RGS6: variants seen among roughly 807,000 people sequenced by gnomAD.
RGS6 encodes regulator of G protein signaling 6, also known as regulator of G-protein signaling 6.
RGS6 carries 30 observed loss-of-function variants against 78.5 expected under a neutral mutation model. That is an observed-to-expected ratio of 0.38 (90% confidence interval 0.29 to 0.52). The LOEUF is 0.52. Ranked by LOEUF, RGS6 falls within the 20% of genes least tolerant of loss-of-function variation. The pLI is 0.85. For missense variants in RGS6, 495 were observed against 609.7 expected, an observed-to-expected ratio of 0.81 and a Z score of 1.98; for synonymous variants, 206 against 206.0, an observed-to-expected ratio of 1.00 and a Z score of 0.00.
chr14:71,958,307 G>A (rs2092943199), intron 1 of RGS6, among the ~76,000 whole-genome samples: 1 of 152,194 alleles, frequency 6.6e-6, no homozygotes, highest in South Asian at 2.1e-4. Flanking sequence ...TTGAATTTTA[G>A]TTGCTTGGCT....
intron 12 of RGS6, among the ~76,000 whole-genome samples, chr14:72,481,975 A>C (rs2096390096): frequency 6.6e-6 from 1 of 151,546 alleles, no homozygotes; most frequent in Non-Finnish European, 1.5e-5. Flanking sequence ...AGCCTGGCTA[A>C]TTTTTTTGTA....
chr14:71,954,786 C>G (rs919160575), intron 1 of RGS6, among the ~76,000 whole-genome samples: 5 of 152,120 alleles, frequency 3.3e-5, no homozygotes, highest in Admixed American at 6.6e-5. Flanking sequence ...AAAAATGTTT[C>G]CTTCTCTCTG....
intron 2 of RGS6, among the ~76,000 whole-genome samples, chr14:72,130,228 A>G (rs571710690): frequency 6.6e-6 from 1 of 152,306 alleles, no homozygotes; most frequent in East Asian, 1.9e-4. Context: ...GAGTGCAGGA[A>G]CTTCTGTCCC....
intron 2 of RGS6, among the ~76,000 whole-genome samples, chr14:72,009,553 C>A (rs1453804231): frequency 1.3e-5 from 2 of 152,140 alleles, no homozygotes; most frequent in African/African-American, 2.4e-5. Context: ...GCTTTATATT[C>A]TTTTGCTATA....
chr14:71,923,751 A>G, the RGS6 span, among the ~76,000 whole-genome samples: 1 of 152,170 alleles, frequency 6.6e-6, no homozygotes, highest in African/African-American at 2.4e-5. Context: ...CCATAGCAAC[A>G]GAAAACAGAT....
intron 2 of RGS6, among the ~76,000 whole-genome samples, chr14:72,195,740 T>TG (rs2039949194): frequency 6.6e-6 from 1 of 152,184 alleles, no homozygotes; most frequent in Admixed American, 6.5e-5. Context: ...TTGTTAGCTA[T>TG]TTGACGGTGG....
rs187909954 is a variant in RGS6, at chr14:72,342,006, C to T, written c.85-10089C>T. The stretch of plus-strand genomic sequence containing the variant: ...GAAACAAGGTTATTGACCTCTCTGC[C>T]GCAGTAAGAGAAAAATGATATATAT... On this transcript the variant is annotated intron_variant, in intron 2 of 17. Coordinates refer to ENST00000553525, the MANE Select transcript of RGS6 (RefSeq NM_001204424.2). 2.6e-5 allele frequency among the ~76,000 whole-genome samples: 4 copies of T among 152,114 alleles called. No individual in the cohort carries two copies. The South Asian group carries it at 6.2e-4, about 24-fold the overall frequency.
chr14:72,073,049 G>T (rs1040140725), intron 2 of RGS6, among the ~76,000 whole-genome samples: 1 of 152,142 alleles, frequency 6.6e-6, no homozygotes, highest in African/African-American at 2.4e-5. Flanking sequence ...GATTATGTGC[G>T]TGCCACATTC....
At chr14:71,933,770 G>A (rs908643180) in intron 1 of RGS6, among the ~76,000 whole-genome samples, 3 of 152,108 alleles carry the variant, frequency 2.0e-5, no homozygotes, top group Non-Finnish European at 2.9e-5. Context: ...GGTGAGTTCT[G>A]ATCAATACCT....
At chr14:72,329,730 G>A (rs1595875873) in intron 2 of RGS6, among the ~76,000 whole-genome samples, 1 of 152,358 alleles carries the variant, frequency 6.6e-6, no homozygotes. Flanking sequence ...GCCAGGTGGA[G>A]CAGCTGTGTG....
intron 1 of RGS6, among the ~76,000 whole-genome samples, chr14:71,953,809 C>T (rs761764836): frequency 2.6e-5 from 4 of 151,974 alleles, no homozygotes; most frequent in Non-Finnish European, 4.4e-5. Flanking sequence ...AAGTTTCTGA[C>T]CTGTATAATT....
chr14:72,005,476 T>C (rs1034950089), intron 2 of RGS6, among the ~76,000 whole-genome samples: 1 of 126,680 alleles, frequency 7.9e-6, no homozygotes, highest in Non-Finnish European at 1.8e-5. Flanking sequence ...TATATCTCCC[T>C]ATTCATTCAG....
chr14:72,195,589 G>C (rs2039899584), intron 2 of RGS6, among the ~76,000 whole-genome samples: 2 of 152,186 alleles, frequency 1.3e-5, no homozygotes, highest in South Asian at 4.2e-4. Context: ...GAAAAATGAG[G>C]CGCTTGAACG....
rs140313767 is a variant in RGS6, at chr14:72,109,209, A to T, written c.84+144334A>T. 4.1e-3 allele frequency among the ~76,000 whole-genome samples: 617 copies of T among 151,402 alleles called. 22 individuals carry two copies. Among genetic ancestry groups the T allele is most frequent in the Admixed American group, 0.032 (484 of 15,214 alleles). ...CTCTCCAGTGTGGTACCTTGTTTTG[A>T]GAGCAGGTGCTGGCTAATTGTGTAA... is the stretch of plus-strand genomic sequence containing the variant. On this transcript the variant is annotated intron_variant, in intron 2 of 17. Coordinates refer to ENST00000553525, the MANE Select transcript of RGS6 (RefSeq NM_001204424.2).
the RGS6 span, among the ~76,000 whole-genome samples, chr14:72,598,128 A>G: frequency 6.6e-6 from 1 of 152,222 alleles, no homozygotes; most frequent in Non-Finnish European, 1.5e-5. Context: ...CCTCAGGGGC[A>G]TTGTGGGGAG....
At chr14:72,582,521 A>G in the RGS6 span, among the ~76,000 whole-genome samples, 1 of 152,224 alleles carries the variant, frequency 6.6e-6, no homozygotes, top group Non-Finnish European at 1.5e-5. Context: ...TCACACATAC[A>G]AAATAGATGG....
At chr14:71,987,453 AAAGG>A (rs2094764583) in intron 2 of RGS6, among the ~76,000 whole-genome samples, 1 of 152,300 alleles carries the variant, frequency 6.6e-6, no homozygotes, top group Non-Finnish European at 1.5e-5. Flanking sequence ...AAAATGAATA[AAAGG>A]AAGACCTCAT....
chr14:72,493,449 G>A (rs1009960578), intron 12 of RGS6, among the ~76,000 whole-genome samples: 1 of 151,646 alleles, frequency 6.6e-6, no homozygotes, highest in Non-Finnish European at 1.5e-5. Flanking sequence ...AAGACAAGGA[G>A]ATGAAAAATG....
intron 3 of RGS6, among the ~76,000 whole-genome samples, chr14:72,356,586 C>T (rs755930390): frequency 6.6e-6 from 1 of 152,106 alleles, no homozygotes; most frequent in African/African-American, 2.4e-5. Context: ...AAGTCCCCAC[C>T]CAAATCTCAT....
Sources: gnomAD v4.1 joint callset for allele counts (sites outside exome capture counted in the v4.1 genomes callset) on GRCh38, gnomAD v4.1.1 for gene constraint, MANE v1.5 for transcripts, NCBI Gene and HGNC (gene_info 2026-07-23, HGNC 2026-07-21) for gene names.